The following PSMD1 variants were observed in gnomAD, a reference collection of about 807,000 sequenced individuals.
PSMD1 encodes the protein proteasome 26S subunit, non-ATPase 1.
A neutral mutation model predicts 119.0 loss-of-function variants in PSMD1; 18 were observed. That is an observed-to-expected ratio of 0.15 (90% confidence interval 0.10 to 0.22). The LOEUF (loss-of-function observed/expected upper bound fraction) is 0.22. Ranked by LOEUF, PSMD1 falls within the 10% of genes least tolerant of loss-of-function variation. The pLI is 1.00. For synonymous variants in PSMD1, 374 were observed against 396.6 expected, an observed-to-expected ratio of 0.94 and a Z score of 0.68; for missense variants, 702 against 1,158.5, an observed-to-expected ratio of 0.61 and a Z score of 5.72.
intron 16 of PSMD1, among the ~76,000 whole-genome samples, chr2:231,105,855 A>G (rs745572307): frequency 7.9e-5 from 12 of 152,040 alleles, no homozygotes; most frequent in South Asian, 2.1e-4. Context: ...TTCTATATCA[A>G]TTTGATACAT....
chr2:231,072,166 A>T, intron 6 of PSMD1, 23 bp from the exon 7 acceptor site: 1 of 1,560,986 alleles, frequency 6.4e-7, no homozygotes, highest in Non-Finnish European at 8.8e-7. Context: ...TTATTGAATA[A>T]TTGTTCTTTA....
rs1051922559 is a variant in PSMD1 at position 231,153,492 on chromosome 2, A to T, written c.2116-72A>T. 7 of 1,061,190 alleles carry T rather than the reference A, an allele frequency of 6.6e-6. No individual in the cohort carries two copies. In the Admixed American group the frequency reaches 1.3e-4, roughly 20 times the overall value. The allele number at this position is 1,061,190 out of a possible 1,614,324, so 65.7% of individuals were successfully genotyped here. A position where few individuals can be genotyped will look rare whatever the true frequency, so the allele number is the denominator to read the frequency against. On this transcript the variant is annotated intron_variant, in intron 18 of 24. Coordinates refer to ENST00000308696, the MANE Select transcript of PSMD1 (RefSeq NM_002807.4). ...ACTAACTCATTATCATTGGAGCAAT[A>T]TTATTCCCTGTTCTAAAATGGTACC...
At chr2:231,117,562 T>C (rs931105791) in intron 16 of PSMD1, among the ~76,000 whole-genome samples, 2 of 152,164 alleles carry the variant, frequency 1.3e-5, no homozygotes, top group African/African-American at 4.8e-5. Context: ...GACAATTGTT[T>C]AATTATCTAA....
At chr2:231,073,929 C>G (rs1694099152) in intron 7 of PSMD1, among the ~76,000 whole-genome samples, 1 of 151,690 alleles carries the variant, frequency 6.6e-6, no homozygotes. Context: ...TTACAGAATT[C>G]TGTTTATTGG....
At chr2:231,141,731 A>G (rs1696122347) in intron 17 of PSMD1, among the ~76,000 whole-genome samples, 1 of 152,078 alleles carries the variant, frequency 6.6e-6, no homozygotes, top group South Asian at 2.1e-4. Flanking sequence ...TATAATGTTC[A>G]CTGCTGGAAC....
chr2:231,130,970 C>G (rs1446427120), intron 16 of PSMD1, among the ~76,000 whole-genome samples: 1 of 152,124 alleles, frequency 6.6e-6, no homozygotes, highest in Non-Finnish European at 1.5e-5. Context: ...GAAAGAAAGC[C>G]TAGTGGATTG....
At position 231,077,071 on chromosome 2, in the gene PSMD1, A is replaced by C; in HGVS notation, c.980A>C (p.Lys327Thr). The change falls in exon 9 of 25, where the codon AAA (lysine) becomes ACA (threonine). Residue 327 changes from lysine to threonine, a missense_variant. This residue lies in a region of PSMD1 where 69 missense variants were observed against 71.6 expected (regional missense o/e 0.96). Coordinates refer to ENST00000308696, the MANE Select transcript of PSMD1 (RefSeq NM_002807.4). ...AAGGACCAGACTTTGAAAATGATTA[A>C]AATTTTAAGTGGTGAAATGGCTATT... is the stretch of plus-strand genomic sequence containing the variant. ...EPKDQTLKMI[K>T]ILSGEMAIEL... 6.2e-7 allele frequency: 1 copy of C among 1,607,896 alleles called. No homozygotes were observed. The highest frequency in any genetic ancestry group is 8.5e-7 in the Non-Finnish European group (1 of 1,177,150).
chr2:231,172,731 A>AAT lies in PSMD1; in HGVS notation c.*208_*209dup, dbSNP rs1696938930. On this transcript the variant is annotated 3_prime_UTR_variant, in exon 25 of 25. Transcript: ENST00000308696. Reference sequence around the variant, plus strand: ...GCTCTTTCACAGAACTTGGTTTTCAAATAAATATAAGATCTCCAGATGGAC... The same window carrying AAT: ...GCTCTTTCACAGAACTTGGTTTTCAAATATAAATATAAGATCTCCAGATGGAC... The AAT allele has an allele frequency of 6.6e-6, 1 of 152,236 alleles. No homozygotes were observed. Among genetic ancestry groups the AAT allele is most frequent in the Non-Finnish European group, 1.5e-5 (1 of 68,046 alleles). 9.4% of individuals were successfully genotyped at this position (152,236 alleles called of 1,614,324 possible). A position where few individuals can be genotyped will look rare whatever the true frequency, so the allele number is the denominator to read the frequency against.
intron 16 of PSMD1, among the ~76,000 whole-genome samples, chr2:231,090,042 T>C (rs898139200): frequency 1.3e-5 from 2 of 152,206 alleles, no homozygotes; most frequent in Non-Finnish European, 2.9e-5. Context: ...AGCCCACTGT[T>C]GAGAATTACT....
At chr2:231,067,913 G>A (rs1300583968) in intron 5 of PSMD1, among the ~76,000 whole-genome samples, 1 of 151,938 alleles carries the variant, frequency 6.6e-6, no homozygotes, top group Non-Finnish European at 1.5e-5. Context: ...CGTCTCAGCC[G>A]CCCAAAGTGC....
chr2:231,094,452 G>T (rs948162470), intron 16 of PSMD1, among the ~76,000 whole-genome samples: 19 of 152,286 alleles, frequency 1.2e-4, no homozygotes, highest in African/African-American at 4.6e-4. Context: ...CAAAGAAAAA[G>T]TGCACACAGG....
intron 18 of PSMD1, among the ~76,000 whole-genome samples, chr2:231,150,891 A>G (rs1368579044): frequency 6.6e-6 from 1 of 152,162 alleles, no homozygotes; most frequent in Non-Finnish European, 1.5e-5. Flanking sequence ...GAGGAGTAAC[A>G]CTCAGATGAT....
intron 13 of PSMD1, among the ~76,000 whole-genome samples, chr2:231,083,301 G>C (rs1694358353): frequency 6.6e-6 from 1 of 152,124 alleles, no homozygotes; most frequent in South Asian, 2.1e-4. Context: ...TTATCTAAAT[G>C]TCTCCTTTGA....
chr2:231,123,796 G>T (rs568312484), intron 16 of PSMD1: 4 of 1,498,844 alleles, frequency 2.7e-6, no homozygotes, highest in East Asian at 4.5e-5. Flanking sequence ...ATCCCGTTCC[G>T]AACAGTGGTC....
intron 16 of PSMD1, 35 bp downstream of exon 16, chr2:231,087,216 T>G (rs754138848): frequency 6.3e-7 from 1 of 1,582,248 alleles, no homozygotes. Flanking sequence ...TATTTATATT[T>G]CATTTTTTTT....
At chr2:231,080,082 T>C (rs1694269920) in intron 11 of PSMD1, 59 bp from the exon 12 acceptor site, 1 of 1,437,156 alleles carries the variant, frequency 7.0e-7, no homozygotes, top group African/African-American at 1.4e-5. Flanking sequence ...ATAGAAAACA[T>C]TGTCTTTTTT....
chr2:231,145,692 G>C (rs549383202), intron 17 of PSMD1, among the ~76,000 whole-genome samples: 3 of 151,910 alleles, frequency 2.0e-5, no homozygotes, highest in Non-Finnish European at 4.4e-5. Flanking sequence ...TCAGGAGGTG[G>C]AGACCAGCCT....
At position 231,071,323 on chromosome 2, in the gene PSMD1, G is replaced by T. The variant is rs912507633; in HGVS notation, c.655-866G>T. ...CTCATTTTTAAAATAATATATTTTTGAGCAGATAATATGTTCATGTGATTT... is the reference window on the plus strand; with the variant it reads ...CTCATTTTTAAAATAATATATTTTTTAGCAGATAATATGTTCATGTGATTT... On this transcript the variant is annotated intron_variant, in intron 6 of 24. Transcript: ENST00000308696. Among the ~76,000 whole-genome samples, 44 of 151,178 alleles carry T rather than the reference G, an allele frequency of 2.9e-4. 1 individual carries two copies. Among genetic ancestry groups the T allele is most frequent in the Admixed American group, 2.4e-3 (37 of 15,218 alleles).
intron 16 of PSMD1, among the ~76,000 whole-genome samples, chr2:231,090,060 A>G (rs547647314): frequency 6.6e-6 from 1 of 152,348 alleles, no homozygotes; most frequent in South Asian, 2.1e-4. Context: ...ACTGGTCAGA[A>G]AAAAGATTCT....
Sources: gnomAD v4.1 joint callset for allele counts (sites outside exome capture counted in the v4.1 genomes callset) on GRCh38, gnomAD v4.1.1 for gene constraint, gnomAD v4.1.1 regional missense constraint, MANE v1.5 for transcripts, NCBI Gene and HGNC (gene_info 2026-07-23, HGNC 2026-07-21) for gene names.